Variants in DHRS13 observed in about 807,000 individuals in gnomAD.
DHRS13 encodes dehydrogenase/reductase SDR family member 13.
In DHRS13, 22 loss-of-function variants were observed where a neutral mutation model predicts 17.9. The observed-to-expected ratio is 1.23, with a 90% CI of 0.88 to 1.75. DHRS13 has a LOEUF of 1.75. Ranked by LOEUF, DHRS13 falls within the 40% of genes most tolerant of loss-of-function variation. The pLI, the probability that DHRS13 is intolerant of heterozygous loss-of-function variation, is 0.00. For missense variants in DHRS13, 483 were observed against 519.9 expected, an observed-to-expected ratio of 0.93 and a Z score of 0.69; for synonymous variants, 206 against 220.4, an observed-to-expected ratio of 0.93 and a Z score of 0.58.
rs771836972 is a variant in DHRS13 at position 28,901,172 on chromosome 17, AC to A, written c.499del (p.Val167TrpfsTer2). On this transcript the variant is annotated frameshift_variant, in exon 4 of 5. Coordinates refer to ENST00000378895, the MANE Select transcript of DHRS13 (RefSeq NM_144683.4). LOFTEE classifies it high-confidence loss of function. The surrounding 1 kb of genome is among the most constrained non-coding windows in gnomAD (Gnocchi z 4.3). Reference sequence around the variant, plus strand: ...CCGACAGTGGGCAGCTGAGGCTACCACCACCACGCGGCTAGGGGCACATGCC... The same window carrying A: ...CCGACAGTGGGCAGCTGAGGCTACCACACCACGCGGCTAGGGGCACATGCC... ...LKACAPSRVV[V>X]VASAAHCRGR... 2.5e-6 allele frequency: 4 copies of A among 1,614,066 alleles called. No individual in the cohort carries two copies. In the African/African-American group the frequency reaches 4.0e-5, roughly 16 times the overall value.
Position 28,901,708 on chromosome 17 carries a change from GT to G in DHRS13, c.247-93del. 6.4e-7 allele frequency: 1 copy of G among 1,557,382 alleles called. No homozygotes were observed. Among genetic ancestry groups the G allele is most frequent in the East Asian group, 2.3e-5 (1 of 44,196 alleles). On this transcript the variant is annotated intron_variant, in intron 2 of 4. Coordinates refer to ENST00000378895, the MANE Select transcript of DHRS13 (RefSeq NM_144683.4). This position sits in a 1 kb window ranked among gnomAD's most constrained non-coding sequence, Gnocchi z 4.3. ...AAATTCTGAGAGTCCATCTCCTACT[GT>G]TTACTAAAATCTGCCCCTGTGTCTT...
chr17:28,901,277 C>A lies in DHRS13; in HGVS notation c.395G>T (p.Arg132Leu), dbSNP rs766827886. 6.2e-7 allele frequency: 1 copy of A among 1,610,280 alleles called. No individual in the cohort carries two copies. The stretch of plus-strand genomic sequence containing the variant: ...CCGAAGCAGCAGGTTAAACGCCTCA[C>A]GGGTCCGGCCACAGGAACTGATACC... The part of the protein sequence containing the change: ...NAGISSCGRT[R>L]EAFNLLLRVN... The change falls in exon 4 of 5, where the codon CGT becomes CTT. Residue 132 changes from arginine (R) to leucine (L), a missense_variant. Transcript: ENST00000378895. This position sits in a 1 kb window ranked among gnomAD's most constrained non-coding sequence, Gnocchi z 4.3.
In DHRS13 at chr17:28,898,880, G is replaced by A. The variant is rs1188419071; in HGVS notation, c.695C>T (p.Ser232Leu). 12 of 1,584,250 alleles carry A rather than the reference G, an allele frequency of 7.6e-6. No individual in the cohort carries two copies. The highest frequency in any genetic ancestry group is 5.4e-5 in the African/African-American group (4 of 74,076). ...AGGAACATGGCGCAGGAACAGCTCC[G>A]AGTTCACAGGCCCTGTAGGCAGGAA... ...CYAAHPGPVNSELFLRHVPGW... is the reference protein window; with the variant it reads ...CYAAHPGPVNLELFLRHVPGW... The change falls in exon 5 of 5, where the codon TCG becomes TTG. Residue 232 changes from serine to leucine, a missense_variant. Ser to Leu is a moderately radical substitution (Grantham distance 145). Transcript: ENST00000378895.
Position 28,901,820 on chromosome 17 carries a change from T to C in DHRS13, c.247-204A>G. ...CCTTGGGCAAGATACTTAATCTCTC[T>C]GGGTCTCAGTTCTCTCACTGCGTAA... On this transcript the variant is annotated intron_variant, in intron 2 of 4. Transcript: ENST00000378895. This position sits in a 1 kb window ranked among gnomAD's most constrained non-coding sequence, Gnocchi z 4.3. The C allele has an allele frequency of 1.4e-6, 1 of 729,876 alleles. No individual in the cohort carries two copies. Among genetic ancestry groups the C allele is most frequent in the Non-Finnish European group, 2.1e-6 (1 of 465,140 alleles). The allele number at this position is 729,876 out of a possible 1,614,324, so 45.2% of individuals were successfully genotyped here. A position where few individuals can be genotyped will look rare whatever the true frequency, so the allele number is the denominator to read the frequency against.
In DHRS13 at chr17:28,902,899, C is replaced by A. The variant is rs767354285; in HGVS notation, c.46G>T (p.Val16Leu). The A allele has an allele frequency of 6.4e-7, 1 of 1,555,354 alleles. No homozygotes were observed. Among genetic ancestry groups the A allele is most frequent in the South Asian group, 1.1e-5 (1 of 87,478 alleles). The change falls in exon 1 of 5, where the codon GTG (valine) becomes TTG (leucine). Residue 16 changes from valine to leucine, a missense_variant. Transcript: ENST00000378895. This position sits in a 1 kb window ranked among gnomAD's most constrained non-coding sequence, Gnocchi z 4.0. ...TTCACCAGGTTGTAGTAGACAAGCA[C>A]GTAAGCGCCCAGCAGCAACCCCGCG... ...LGAGLLLGAY[V>L]LVYYNLVKAP... is the part of the protein sequence containing the mutation.
Position 28,898,728 on chromosome 17 carries a change from C to G in DHRS13, c.847G>C (p.Ala283Pro). 6.2e-7 allele frequency: 1 copy of G among 1,613,962 alleles called. No individual in the cohort carries two copies. Among genetic ancestry groups the G allele is most frequent in the South Asian group, 1.1e-5 (1 of 91,010 alleles). Residue 283 changes from alanine (A) to proline (P), a missense_variant, in exon 5 of 5, where the codon GCC becomes CCC. Coordinates refer to ENST00000378895, the MANE Select transcript of DHRS13 (RefSeq NM_144683.4). ...GIEPLSGRYF[A>P]NCHVEEVPPA... ...GGCACCTCTTCCACATGGCAGTTGG[C>G]AAAATATCTCCCACTGAGGGGCTCG... is the stretch of plus-strand genomic sequence containing the variant.
In DHRS13 at chr17:28,902,873, C is replaced by G. The variant is rs2152652911; in HGVS notation, c.72G>C (p.Lys24Asn). The change falls in exon 1 of 5, where the codon AAG (lysine) becomes AAC (asparagine). Residue 24 changes from lysine to asparagine, a missense_variant. Coordinates refer to ENST00000378895, the MANE Select transcript of DHRS13 (RefSeq NM_144683.4). This position sits in a 1 kb window ranked among gnomAD's most constrained non-coding sequence, Gnocchi z 4.0. Reference protein sequence around the residue: ...AYVLVYYNLVKAPPCGGMGNL... With the variant: ...AYVLVYYNLVNAPPCGGMGNL... ...TGCCCATGCCGCCGCACGGCGGGGC[C>G]TTCACCAGGTTGTAGTAGACAAGCA... The G allele has an allele frequency of 6.4e-7, 1 of 1,552,304 alleles. No individual in the cohort carries two copies. Among genetic ancestry groups the G allele is most frequent in the Non-Finnish European group, 8.6e-7 (1 of 1,157,616 alleles).
rs887243259 is a variant in DHRS13 at position 28,898,878 on chromosome 17, C to T, written c.697G>A (p.Glu233Lys). 1 of 1,586,852 alleles carries T rather than the reference C, an allele frequency of 6.3e-7. No homozygotes were observed. Among genetic ancestry groups the T allele is most frequent in the Non-Finnish European group, 8.6e-7 (1 of 1,166,070 alleles). Reference sequence around the variant, plus strand: ...CCAGGAACATGGCGCAGGAACAGCTCCGAGTTCACAGGCCCTGTAGGCAGG... The same window carrying T: ...CCAGGAACATGGCGCAGGAACAGCTTCGAGTTCACAGGCCCTGTAGGCAGG... ...YAAHPGPVNS[E>K]LFLRHVPGWL... Residue 233 changes from glutamate (E) to lysine (K), a missense_variant, in exon 5 of 5, where the codon GAG becomes AAG. Transcript: ENST00000378895.
Position 28,902,630 on chromosome 17 carries a change from A to C in DHRS13, c.199T>G (p.Cys67Gly), listed in dbSNP as rs987667805. 1 of 1,453,734 alleles carries C rather than the reference A, an allele frequency of 6.9e-7. No individual in the cohort carries two copies. Among genetic ancestry groups the C allele is most frequent in the Non-Finnish European group, 9.0e-7 (1 of 1,110,566 alleles). The allele number at this position is 1,453,734 out of a possible 1,614,324, so 90.1% of individuals were successfully genotyped here. A position where few individuals can be genotyped will look rare whatever the true frequency, so the allele number is the denominator to read the frequency against. The change falls in exon 2 of 5, where the codon TGC (cysteine) becomes GGC (glycine). Residue 67 changes from cysteine (C) to glycine (G), a missense_variant. Coordinates refer to ENST00000378895, the MANE Select transcript of DHRS13 (RefSeq NM_144683.4). This position sits in a 1 kb window ranked among gnomAD's most constrained non-coding sequence, Gnocchi z 4.0. ...GCCTCCCCGCGCTCCTGGCTGCGGC[A>C]GGCCAGCACCACGCGCGCTCCCCGG... ...ARRGARVVLA[C>G]RSQERGEAAA...
Position 28,902,528 on chromosome 17 carries a change from CTG to C in DHRS13, c.246+53_246+54del. 1 of 1,419,700 alleles carries C rather than the reference CTG, an allele frequency of 7.0e-7. No homozygotes were observed. Among genetic ancestry groups the C allele is most frequent in the Non-Finnish European group, 9.2e-7 (1 of 1,089,738 alleles). The allele number at this position is 1,419,700 out of a possible 1,614,324, so 87.9% of individuals were successfully genotyped here. On this transcript the variant is annotated intron_variant, in intron 2 of 4. Transcript: ENST00000378895. The surrounding 1 kb of genome is among the most constrained non-coding windows in gnomAD (Gnocchi z 4.0). ...CTCCGCAGCCCCTTTGCTGGCTTCT[CTG>C]TGTCCCGGCGGGTTCTCGGCTCACC...
Position 28,902,541 on chromosome 17 carries a change from G to T in DHRS13, c.246+42C>A. ...TTGCTGGCTTCTCTGTGTCCCGGCG[G>T]GTTCTCGGCTCACCGTCCCACGCGC... is the stretch of plus-strand genomic sequence containing the variant. On this transcript the variant is annotated intron_variant, in intron 2 of 4. Transcript: ENST00000378895. The surrounding 1 kb of genome is among the most constrained non-coding windows in gnomAD (Gnocchi z 4.0). 6.9e-7 allele frequency: 1 copy of T among 1,446,156 alleles called. No individual in the cohort carries two copies. 89.6% of individuals were successfully genotyped at this position (1,446,156 alleles called of 1,614,324 possible). A position where few individuals can be genotyped will look rare whatever the true frequency, so the allele number is the denominator to read the frequency against.
At chr17:28,900,827 G>T (rs1418197315) in intron 4 of DHRS13, among the ~76,000 whole-genome samples, 163 bp downstream of exon 4, 1 of 152,056 alleles carries the variant, frequency 6.6e-6, no homozygotes, top group Non-Finnish European at 1.5e-5. Context: ...CTGGTTCCAA[G>T]AGCAGCAAGG....
rs1598108365 is a variant in DHRS13, at chr17:28,899,195, G to C, written c.683-303C>G. 1 of 286,684 alleles carries C rather than the reference G, an allele frequency of 3.5e-6. No homozygotes were observed. Among genetic ancestry groups the C allele is most frequent in the East Asian group, 8.5e-5 (1 of 11,764 alleles). 17.8% of individuals were successfully genotyped at this position (286,684 alleles called of 1,614,324 possible). On this transcript the variant is annotated intron_variant, in intron 4 of 4. Transcript: ENST00000378895. The surrounding 1 kb of genome is among the most constrained non-coding windows in gnomAD (Gnocchi z 4.7). ...CATGAAGCCTCTTCGCTTCCATCCAGACTGCTTGTTCACCCCACATCCCAG... is the reference window on the plus strand; with the variant it reads ...CATGAAGCCTCTTCGCTTCCATCCACACTGCTTGTTCACCCCACATCCCAG...
rs1305137367 is a variant in DHRS13, at chr17:28,899,827, C to T, written c.683-935G>A. ...GGTTCAGGCGATTCTCCTGCCTCAG[C>T]CTCCTGAATAGCTGGGACTACAGGT... On this transcript the variant is annotated intron_variant, in intron 4 of 4. Coordinates refer to ENST00000378895, the MANE Select transcript of DHRS13 (RefSeq NM_144683.4). The surrounding 1 kb of genome is among the most constrained non-coding windows in gnomAD (Gnocchi z 4.7). Among the ~76,000 whole-genome samples the T allele has an allele frequency of 6.6e-6, 1 of 152,230 alleles. No homozygotes were observed. The highest frequency in any genetic ancestry group is 2.4e-5 in the African/African-American group (1 of 41,448).
In DHRS13 at chr17:28,899,072, G is replaced by C; in HGVS notation, c.683-180C>G. ...AAACAACAACAAAAAAAATAGAACA[G>C]AGCTAGAAGAACAGGGACAGAATCT... On this transcript the variant is annotated intron_variant, in intron 4 of 4. Transcript: ENST00000378895. This position sits in a 1 kb window ranked among gnomAD's most constrained non-coding sequence, Gnocchi z 4.7. 1.7e-6 allele frequency: 1 copy of C among 579,932 alleles called. No individual in the cohort carries two copies. The highest frequency in any genetic ancestry group is 2.9e-6 in the Non-Finnish European group (1 of 343,910). 35.9% of individuals were successfully genotyped at this position (579,932 alleles called of 1,614,324 possible).
chr17:28,901,342 G>A lies in DHRS13; in HGVS notation c.371-41C>T. On this transcript the variant is annotated intron_variant, in intron 3 of 4. Transcript: ENST00000378895. The surrounding 1 kb of genome is among the most constrained non-coding windows in gnomAD (Gnocchi z 4.3). ...AATGTGAGCGGCTGCTCCAGAAGGA[G>A]CTCTGCAGCCTTGGCATCCCTATCT... 5 of 1,583,164 alleles carry A rather than the reference G, an allele frequency of 3.2e-6. No individual in the cohort carries two copies. Among genetic ancestry groups the A allele is most frequent in the Non-Finnish European group, 4.3e-6 (5 of 1,162,990 alleles).
Position 28,901,134 on chromosome 17 carries a change from A to G in DHRS13, c.538T>C (p.Phe180Leu). The change falls in exon 4 of 5, where the codon TTC (phenylalanine) becomes CTC (leucine). Residue 180 changes from phenylalanine to leucine, a missense_variant. Coordinates refer to ENST00000378895, the MANE Select transcript of DHRS13 (RefSeq NM_144683.4). The surrounding 1 kb of genome is among the most constrained non-coding windows in gnomAD (Gnocchi z 4.3). ...SAAHCRGRLD[F>L]KRLDRPVVGW... The stretch of plus-strand genomic sequence containing the variant: ...ACCACTGGGCGGTCCAGGCGTTTGA[A>G]GTCAAGACGTCCCCGACAGTGGGCA... 1 of 1,614,164 alleles carries G rather than the reference A, an allele frequency of 6.2e-7. No individual in the cohort carries two copies. The highest frequency in any genetic ancestry group is 1.1e-5 in the South Asian group (1 of 91,090).
At position 28,898,653 on chromosome 17, in the gene DHRS13, TGCTG is replaced by T; in HGVS notation, c.918_921del (p.Ser307ArgfsTer29). 6.2e-7 allele frequency: 1 copy of T among 1,613,838 alleles called. No homozygotes were observed. The highest frequency in any genetic ancestry group is 8.5e-7 in the Non-Finnish European group (1 of 1,179,894). On this transcript the variant is annotated frameshift_variant, in exon 5 of 5. Coordinates refer to ENST00000378895, the MANE Select transcript of DHRS13 (RefSeq NM_144683.4). LOFTEE classifies it low-confidence loss of function (END_TRUNC). ...CCAGGCCCAAGCCCTGCCAGCCTCTTGCTGGCCTCCCATAGCCGATGGGCTGCCC... is the reference window on the plus strand; with the variant it reads ...CCAGGCCCAAGCCCTGCCAGCCTCTTGCCTCCCATAGCCGATGGGCTGCCC...
Position 28,901,577 on chromosome 17 carries a change from A to C in DHRS13, c.286T>G (p.Leu96Val). Residue 96 changes from leucine to valine, a missense_variant, in exon 3 of 5, where the codon TTG becomes GTG. Physicochemically the swap from Leu to Val is conservative, Grantham distance 32. Transcript: ENST00000378895. This position sits in a 1 kb window ranked among gnomAD's most constrained non-coding sequence, Gnocchi z 4.3. ...GCCCGCACCGAGGCCAGACTGGCCA[A>C]GTCCAAGGCCATGAAGATGACCTCA... ...NNEVIFMALD[L>V]ASLASVRAFA... 1.9e-6 allele frequency: 3 copies of C among 1,614,262 alleles called. No homozygotes were observed. Among genetic ancestry groups the C allele is most frequent in the Non-Finnish European group, 2.5e-6 (3 of 1,180,036 alleles).
Sources: gnomAD v4.1 joint callset for allele counts (sites outside exome capture counted in the v4.1 genomes callset) on GRCh38, gnomAD v4.1.1 for gene constraint, Gnocchi (gnomAD v3.1) non-coding constraint, MANE v1.5 for transcripts, NCBI Gene and HGNC (gene_info 2026-07-23, HGNC 2026-07-21) for gene names.